DYRK2: variants seen among roughly 807,000 people sequenced by gnomAD.
DYRK2 encodes dual specificity tyrosine phosphorylation regulated kinase 2.
In DYRK2, 12 loss-of-function variants were observed where a neutral mutation model predicts 41.6. The ratio of observed to expected loss-of-function variants is 0.29; its 90% CI spans 0.18 to 0.47. DYRK2 has a LOEUF of 0.47. DYRK2 is among the 20% of genes least tolerant of loss of function. DYRK2 has a pLI of 1.00. For missense variants in DYRK2, 678 were observed against 798.4 expected (o/e 0.85, Z 1.82); for synonymous variants, 322 against 315.7 (o/e 1.02, Z -0.21).
rs1872702041 is a variant in DYRK2 at position 67,664,596 on chromosome 12, G to A, written c.*5883G>A. 2.0e-5 allele frequency: 3 copies of A among 152,230 alleles called. No homozygotes were observed. In the South Asian group the frequency reaches 6.2e-4, roughly 32 times the overall value. The allele number at this position is 152,230 out of a possible 1,614,324, so 9.4% of individuals were successfully genotyped here. On this transcript the variant is annotated 3_prime_UTR_variant, in exon 3 of 3. Coordinates refer to ENST00000344096, the MANE Select transcript of DYRK2 (RefSeq NM_006482.3). ...GACTACAAAAACATTGCAGTTTGAG[G>A]CTTAGGTTGTAATCAGGTAATTTTG...
Position 67,649,156 on chromosome 12 carries a change from C to T in DYRK2, c.23C>T (p.Ala8Val). 2.0e-6 allele frequency: 3 copies of T among 1,513,394 alleles called. No individual in the cohort carries two copies. The highest frequency in any genetic ancestry group is 2.7e-6 in the Non-Finnish European group (3 of 1,126,946). 93.7% of individuals were successfully genotyped at this position (1,513,394 alleles called of 1,614,324 possible). A position where few individuals can be genotyped will look rare whatever the true frequency, so the allele number is the denominator to read the frequency against. ...GCCATGTTAACCAGGAAACCTTCGG[C>T]CGCCGCTCCCGCCGCCTACCCGACC... MLTRKPS[A>V]AAPAAYPTGR... is the part of the protein sequence containing the mutation. Residue 8 changes from alanine to valine, a missense_variant, in exon 1 of 3, where the codon GCC becomes GTC. Ala to Val is a moderately conservative substitution (Grantham distance 64). Coordinates refer to ENST00000344096, the MANE Select transcript of DYRK2 (RefSeq NM_006482.3).
At chr12:67,649,967 G>T (rs746265163) in intron 2 of DYRK2, 22 bp downstream of exon 2, 10 of 1,326,656 alleles carry the variant, frequency 7.5e-6, no homozygotes, top group Non-Finnish European at 8.6e-6. Context: ...CCCGCGGGCG[G>T]CCCGGGCGGT....
Position 67,658,793 on chromosome 12 carries a change from C to G in DYRK2, c.*80C>G. 2.8e-6 allele frequency: 4 copies of G among 1,436,130 alleles called. No homozygotes were observed. The highest frequency in any genetic ancestry group is 3.7e-6 in the Non-Finnish European group (4 of 1,072,156). 89.0% of individuals were successfully genotyped at this position (1,436,130 alleles called of 1,614,324 possible). The stretch of plus-strand genomic sequence containing the variant: ...TGGGTTGAAAAGGAGTAGCTCAGAC[C>G]TGTTTTTATTTGCTCAATAACTCTA... On this transcript the variant is annotated 3_prime_UTR_variant, in exon 3 of 3. Transcript: ENST00000344096. The surrounding 1 kb of genome is among the most constrained non-coding windows in gnomAD (Gnocchi z 4.3).
chr12:67,656,958 C>A, intron 2 of DYRK2, 148 bp from the exon 3 acceptor site: 1 of 803,720 alleles, frequency 1.2e-6, no homozygotes, highest in East Asian at 2.9e-5. Flanking sequence ...GTCCATTTTT[C>A]AGGATCACAT....
In DYRK2 at chr12:67,662,450, T is replaced by A. The variant is rs1592716715; in HGVS notation, c.*3737T>A. ...TATGTGAAAATGGTTGAATGTGGACTGTGTATATATGTATGTAAAAATTTC... is the reference window on the plus strand; with the variant it reads ...TATGTGAAAATGGTTGAATGTGGACAGTGTATATATGTATGTAAAAATTTC... On this transcript the variant is annotated 3_prime_UTR_variant, in exon 3 of 3. Transcript: ENST00000344096. 1 of 166,794 alleles carries A rather than the reference T, an allele frequency of 6.0e-6. No individual in the cohort carries two copies. Among genetic ancestry groups the A allele is most frequent in the South Asian group, 2.1e-4 (1 of 4,822 alleles). The allele number at this position is 166,794 out of a possible 1,614,324, so 10.3% of individuals were successfully genotyped here.
chr12:67,660,814 A>G lies in DYRK2; in HGVS notation c.*2101A>G, dbSNP rs1246101786. On this transcript the variant is annotated 3_prime_UTR_variant, in exon 3 of 3. Coordinates refer to ENST00000344096, the MANE Select transcript of DYRK2 (RefSeq NM_006482.3). ...TTAGCTTCTTTAGGTCATTAAATCA[A>G]TAAAAACATATAATGCTGTTTTGCT... The G allele has an allele frequency of 6.0e-6, 1 of 166,980 alleles. No individual in the cohort carries two copies. Among genetic ancestry groups the G allele is most frequent in the Non-Finnish European group, 1.5e-5 (1 of 68,118 alleles). 10.3% of individuals were successfully genotyped at this position (166,980 alleles called of 1,614,324 possible). A position where few individuals can be genotyped will look rare whatever the true frequency, so the allele number is the denominator to read the frequency against.
At chr12:67,651,159 TTAAC>T (rs1172233547) in intron 2 of DYRK2, among the ~76,000 whole-genome samples, 1 of 152,192 alleles carries the variant, frequency 6.6e-6, no homozygotes, top group Non-Finnish European at 1.5e-5. Flanking sequence ...TGCACAGAGG[TTAAC>T]TAACCTGTGT....
intron 2 of DYRK2, among the ~76,000 whole-genome samples, chr12:67,653,914 T>A (rs957622570): frequency 6.6e-6 from 1 of 152,126 alleles, no homozygotes; most frequent in Non-Finnish European, 1.5e-5. Flanking sequence ...AAAGGGTGAA[T>A]CACCTAGGTA....
intron 1 of DYRK2, among the ~76,000 whole-genome samples, chr12:67,649,493 C>G (rs919008234): frequency 2.0e-5 from 3 of 151,688 alleles, no homozygotes; most frequent in African/African-American, 7.3e-5. Flanking sequence ...GCTCAGCTGT[C>G]CAAACCCACC....
At position 67,657,194 on chromosome 12, in the gene DYRK2, A is replaced by G; in HGVS notation, c.287A>G (p.Asp96Gly). Residue 96 changes from aspartate to glycine, a missense_variant, in exon 3 of 3, where the codon GAT becomes GGT. Transcript: ENST00000344096. The surrounding 1 kb of genome is among the most constrained non-coding windows in gnomAD (Gnocchi z 4.8). Reference sequence around the variant, plus strand: ...ATCCAGGTTCAACAGTTGTTTGAGGATAACAGTAACAAGCGGACAGTGCTC... The same window carrying G: ...ATCCAGGTTCAACAGTTGTTTGAGGGTAACAGTAACAAGCGGACAGTGCTC... Reference protein sequence around the residue: ...GQIQVQQLFEDNSNKRTVLTT... With the variant: ...GQIQVQQLFEGNSNKRTVLTT... The G allele has an allele frequency of 6.2e-7, 1 of 1,613,758 alleles. No homozygotes were observed. The highest frequency in any genetic ancestry group is 8.5e-7 in the Non-Finnish European group (1 of 1,179,838).
In DYRK2 at chr12:67,663,124, C is replaced by T. The variant is rs1320469573; in HGVS notation, c.*4411C>T. ...TATTCTAATGTGCTCTAACCAGTTC[C>T]ACCCAATGTTTTTTAATGCTTATGA... On this transcript the variant is annotated 3_prime_UTR_variant, in exon 3 of 3. Transcript: ENST00000344096. 1.3e-5 allele frequency: 2 copies of T among 151,872 alleles called. No homozygotes were observed. The highest frequency in any genetic ancestry group is 2.9e-5 in the Non-Finnish European group (2 of 67,930). The allele number at this position is 151,872 out of a possible 1,614,324, so 9.4% of individuals were successfully genotyped here.
Position 67,648,809 on chromosome 12 carries a change from C to T in DYRK2, c.-325C>T, listed in dbSNP as rs1455890693. On this transcript the variant is annotated 5_prime_UTR_variant, in exon 1 of 3. Transcript: ENST00000344096. ...TCGGTCCTCGCAGCGCTTCCAGCTCCCCGCGCCCCTATGTGAGGGAGACGG... is the reference window on the plus strand; with the variant it reads ...TCGGTCCTCGCAGCGCTTCCAGCTCTCCGCGCCCCTATGTGAGGGAGACGG... 1 of 181,006 alleles carries T rather than the reference C, an allele frequency of 5.5e-6. No homozygotes were observed. The highest frequency in any genetic ancestry group is 1.3e-4 in the East Asian group (1 of 7,506). The allele number at this position is 181,006 out of a possible 1,614,324, so 11.2% of individuals were successfully genotyped here.
Position 67,658,749 on chromosome 12 carries a change from C to A in DYRK2, c.*36C>A, listed in dbSNP as rs376929227. On this transcript the variant is annotated 3_prime_UTR_variant, in exon 3 of 3. Coordinates refer to ENST00000344096, the MANE Select transcript of DYRK2 (RefSeq NM_006482.3). The surrounding 1 kb of genome is among the most constrained non-coding windows in gnomAD (Gnocchi z 4.3). Reference sequence around the variant, plus strand: ...CCTGATGCTGGTAACCTGAAAGATACGACATTGCTGAGCCTTACTGGGTTG... The same window carrying A: ...CCTGATGCTGGTAACCTGAAAGATAAGACATTGCTGAGCCTTACTGGGTTG... 2.6e-6 allele frequency: 4 copies of A among 1,563,182 alleles called. No individual in the cohort carries two copies. Among genetic ancestry groups the A allele is most frequent in the Admixed American group, 1.8e-5 (1 of 54,118 alleles).
At chr12:67,649,541 C>T in intron 1 of DYRK2, 1 of 391,164 alleles carries the variant, frequency 2.6e-6, no homozygotes, top group Admixed American at 4.6e-5. Flanking sequence ...GGCCGCCTAG[C>T]CCCGGCGCGG....
In DYRK2 at chr12:67,665,391, TAAATG is replaced by T. The variant is rs973915272; in HGVS notation, c.*6679_*6683del. The T allele has an allele frequency of 6.6e-6, 1 of 152,212 alleles. No individual in the cohort carries two copies. Among genetic ancestry groups the T allele is most frequent in the African/African-American group, 2.4e-5 (1 of 41,458 alleles). 9.4% of individuals were successfully genotyped at this position (152,212 alleles called of 1,614,324 possible). ...GCAATTTATGTGGACCAGCAGCAAA[TAAATG>T]TATGAGTACATTTGGGCGAATTTGT... On this transcript the variant is annotated 3_prime_UTR_variant, in exon 3 of 3. Coordinates refer to ENST00000344096, the MANE Select transcript of DYRK2 (RefSeq NM_006482.3).
Position 67,662,393 on chromosome 12 carries a change from CTG to C in DYRK2, c.*3682_*3683del, listed in dbSNP as rs1235650571. The C allele has an allele frequency of 3.0e-5, 5 of 166,996 alleles. No individual in the cohort carries two copies. Among genetic ancestry groups the C allele is most frequent in the Admixed American group, 2.0e-4 (3 of 15,294 alleles). The allele number at this position is 166,996 out of a possible 1,614,324, so 10.3% of individuals were successfully genotyped here. A position where few individuals can be genotyped will look rare whatever the true frequency, so the allele number is the denominator to read the frequency against. On this transcript the variant is annotated 3_prime_UTR_variant, in exon 3 of 3. Coordinates refer to ENST00000344096, the MANE Select transcript of DYRK2 (RefSeq NM_006482.3). ...ATCGAGCAACAACTTAGACACGTGACTGTAATATGCTGCAACTGTGTGTACTG... is the reference window on the plus strand; with the variant it reads ...ATCGAGCAACAACTTAGACACGTGACTAATATGCTGCAACTGTGTGTACTG...
chr12:67,660,533 G>T lies in DYRK2; in HGVS notation c.*1820G>T, dbSNP rs528407682. ...TAAGGTGTCACTGATAAATTAATTT[G>T]TACTTCTGTGTTTAGAAATTATAGC... On this transcript the variant is annotated 3_prime_UTR_variant, in exon 3 of 3. Coordinates refer to ENST00000344096, the MANE Select transcript of DYRK2 (RefSeq NM_006482.3). 8.4e-5 allele frequency: 14 copies of T among 167,084 alleles called. 1 individual carries two copies. The East Asian group carries it at 2.1e-3, about 25-fold the overall frequency. 10.4% of individuals were successfully genotyped at this position (167,084 alleles called of 1,614,324 possible).
At chr12:67,656,855 A>G (rs1286572777) in intron 2 of DYRK2, among the ~76,000 whole-genome samples, 1 of 152,170 alleles carries the variant, frequency 6.6e-6, no homozygotes, top group African/African-American at 2.4e-5. Context: ...TAAGTGTTAG[A>G]TATAGAATGA....
At chr12:67,655,075 G>A (rs556466303) in intron 2 of DYRK2, among the ~76,000 whole-genome samples, 23 of 152,266 alleles carry the variant, frequency 1.5e-4, no homozygotes, top group South Asian at 2.1e-4. Flanking sequence ...TGTCAGTCTC[G>A]TTAGTTTTAG....
Sources: allele counts gnomAD v4.1 joint callset (sites outside exome capture counted in the v4.1 genomes callset), GRCh38; gene constraint gnomAD v4.1.1; non-coding constraint Gnocchi (gnomAD v3.1); transcripts MANE v1.5; gene names NCBI Gene and HGNC (gene_info 2026-07-23, HGNC 2026-07-21).